The following MCC variants were observed in gnomAD, a reference collection of about 807,000 sequenced individuals.
The protein encoded by MCC is MCC regulator of Wnt signaling pathway.
In MCC, 90 loss-of-function variants were observed where a neutral mutation model predicts 116.2. The ratio of observed to expected loss-of-function variants is 0.77; its 90% CI spans 0.65 to 0.92. MCC has a LOEUF of 0.92. Among genes scored for constraint, MCC ranks in the 40% least tolerant of loss-of-function variants. The pLI, the probability that MCC is intolerant of heterozygous loss-of-function variation, is 0.00. For missense variants in MCC, 1,516 were observed against 1,312.2 expected, an observed-to-expected ratio of 1.16 and a Z score of -2.40; for synonymous variants, 578 against 510.5, an observed-to-expected ratio of 1.13 and a Z score of -1.78.
chr5:113,169,301 AAAT>A (rs889510180), intron 3 of MCC, among the ~76,000 whole-genome samples: 12 of 152,092 alleles, frequency 7.9e-5, no homozygotes, highest in African/African-American at 2.9e-4. Context: ...GGAGAAAGGA[AAAT>A]AATAATAAGC....
chr5:113,073,890 C>A (rs960665893), intron 11 of MCC, among the ~76,000 whole-genome samples: 1 of 152,218 alleles, frequency 6.6e-6, no homozygotes, highest in Admixed American at 6.5e-5. Flanking sequence ...GAAGCTCAAA[C>A]TGGGTGGAGC....
chr5:113,455,969 T>C lies in MCC; in HGVS notation c.170+32276A>G, dbSNP rs1302366549. ...AAACTGACCAAGATCATACAGCTAA[T>C]AAACTAGAATTTAATGCCTTACTCC... On this transcript the variant is annotated intron_variant, in intron 1 of 18. Coordinates refer to ENST00000408903, the MANE Select transcript of MCC (RefSeq NM_001085377.2). Among the ~76,000 whole-genome samples the C allele has an allele frequency of 3.3e-5, 5 of 152,308 alleles. 1 individual carries two copies. In the Middle Eastern group the frequency reaches 0.014, roughly 414 times the overall value.
intron 3 of MCC, among the ~76,000 whole-genome samples, chr5:113,327,789 C>T (rs1767606280): frequency 6.6e-6 from 1 of 150,470 alleles, no homozygotes; most frequent in South Asian, 2.1e-4. Context: ...GGTGCAAAAG[C>T]AATCGTAGTT....
At chr5:113,257,458 A>C (rs1050222768) in intron 3 of MCC, among the ~76,000 whole-genome samples, 1 of 152,148 alleles carries the variant, frequency 6.6e-6, no homozygotes, top group African/African-American at 2.4e-5. Context: ...CAAGGTGAAG[A>C]AGAGGGAGCA....
chr5:113,099,518 G>A (rs1257103231), intron 8 of MCC, among the ~76,000 whole-genome samples: 1 of 152,248 alleles, frequency 6.6e-6, no homozygotes, highest in African/African-American at 2.4e-5. Context: ...CTACGTGCCA[G>A]ACATCGCCTA....
Position 113,053,851 on chromosome 5 carries a change from C to T in MCC, c.2322G>A (p.Lys774=), listed in dbSNP as rs367961469. 5 of 1,614,040 alleles carry T rather than the reference C, an allele frequency of 3.1e-6. No individual in the cohort carries two copies. The African/African-American group carries it at 5.3e-5, about 17-fold the overall frequency. The change falls in exon 15 of 19, where the codon AAG becomes AAA. Residue 774 remains lysine, a synonymous_variant. Transcript: ENST00000408903. Reference sequence around the variant, plus strand: ...TGCTTTCCAGCTCCAGCATGGTCAGCTTGACCGCAGCCCTGTCATTCTTGA... The same window carrying T: ...TGCTTTCCAGCTCCAGCATGGTCAGTTTGACCGCAGCCCTGTCATTCTTGA... ...QQLKNDRAAV[K]LTMLELESIH... is the part of the protein sequence containing the mutation.
At position 113,079,695 on chromosome 5, in the gene MCC, CG is replaced by C. The variant is rs796911693; in HGVS notation, c.1784+3164del. On this transcript the variant is annotated intron_variant, in intron 11 of 18. Transcript: ENST00000408903. ...AAGATTTAAATGTTAGACCTAAAAC[CG>C]TAAAACCTCTAGAAGAAAACCTAGG... Among the ~76,000 whole-genome samples, 86 of 152,250 alleles carry C rather than the reference CG, an allele frequency of 5.6e-4. 1 individual carries two copies. In the South Asian group the frequency reaches 0.014, roughly 25 times the overall value.
chr5:113,385,249 A>G (rs781510228), intron 1 of MCC, 37 bp from the exon 2 acceptor site: 2 of 1,595,974 alleles, frequency 1.3e-6, no homozygotes, highest in South Asian at 1.1e-5. Context: ...ATGTGTTATG[A>G]GTGACATTTA....
chr5:113,135,849 T>C (rs1422048466), intron 5 of MCC, among the ~76,000 whole-genome samples: 1 of 151,880 alleles, frequency 6.6e-6, no homozygotes, highest in Non-Finnish European at 1.5e-5. Context: ...TTCGAGAACA[T>C]CCTGGCCAAT....
chr5:113,035,742 C>A (rs1751285188), intron 17 of MCC, among the ~76,000 whole-genome samples: 1 of 152,158 alleles, frequency 6.6e-6, no homozygotes, highest in Non-Finnish European at 1.5e-5. Context: ...ACTCATGTCC[C>A]AGAGCTAAGA....
intron 1 of MCC, among the ~76,000 whole-genome samples, chr5:113,399,384 C>A (rs1385093013): frequency 6.6e-6 from 1 of 152,070 alleles, no homozygotes. Flanking sequence ...ACTTGGGAGG[C>A]TGAGGCAGAA....
At chr5:113,408,886 C>T (rs1344544892) in intron 1 of MCC, among the ~76,000 whole-genome samples, 7 of 152,136 alleles carry the variant, frequency 4.6e-5, no homozygotes, top group Non-Finnish European at 1.0e-4. Flanking sequence ...CTGTCCCTAC[C>T]ATGTTTGTCT....
chr5:113,208,394 A>T (rs544282054), intron 3 of MCC, among the ~76,000 whole-genome samples: 2 of 152,106 alleles, frequency 1.3e-5, no homozygotes, highest in Non-Finnish European at 2.9e-5. Context: ...GAAGAAAACC[A>T]CCACCCTTCA....
intron 17 of MCC, among the ~76,000 whole-genome samples, chr5:113,038,895 G>A (rs543751765): frequency 2.3e-4 from 35 of 152,328 alleles, no homozygotes; most frequent in South Asian, 1.2e-3. Flanking sequence ...TTGCCTTAAC[G>A]TGGCATTTTA....
chr5:113,027,301 A>C lies in MCC; in HGVS notation c.*1T>G. The C allele has an allele frequency of 6.2e-7, 1 of 1,614,022 alleles. No homozygotes were observed. Among genetic ancestry groups the C allele is most frequent in the Non-Finnish European group, 8.5e-7 (1 of 1,179,950 alleles). ...GCAGAACTCCGGTGCGTGAGTGCTGATTAAAGCGAAGTTTCATTGGTGTGT... is the reference window on the plus strand; with the variant it reads ...GCAGAACTCCGGTGCGTGAGTGCTGCTTAAAGCGAAGTTTCATTGGTGTGT... On this transcript the variant is annotated 3_prime_UTR_variant, in exon 19 of 19. Transcript: ENST00000408903.
chr5:113,107,220 T>TA (rs56985364), intron 6 of MCC, among the ~76,000 whole-genome samples: 2 of 146,846 alleles, frequency 1.4e-5, no homozygotes, highest in African/African-American at 5.2e-5. Flanking sequence ...TTTTTTTTTT[T>TA]CTTTTTTTTT....
chr5:113,471,617 G>C (rs1772093345), intron 1 of MCC, among the ~76,000 whole-genome samples: 1 of 152,136 alleles, frequency 6.6e-6, no homozygotes, highest in South Asian at 2.1e-4. Context: ...TCGGGGGTCA[G>C]GGACCCACTT....
At chr5:113,256,257 C>A (rs904578244) in intron 3 of MCC, among the ~76,000 whole-genome samples, 1 of 152,108 alleles carries the variant, frequency 6.6e-6, no homozygotes, top group Non-Finnish European at 1.5e-5. Flanking sequence ...TGAATTGAAG[C>A]CTATCCTCAT....
intron 1 of MCC, chr5:113,433,667 A>G (rs1046362364): frequency 1.3e-6 from 2 of 1,523,324 alleles, no homozygotes; most frequent in East Asian, 2.3e-5. Context: ...CTCTGGCTCC[A>G]CCCTTGACTT....
Sources: allele counts gnomAD v4.1 joint callset (sites outside exome capture counted in the v4.1 genomes callset), GRCh38; gene constraint gnomAD v4.1.1; transcripts MANE v1.5; gene names NCBI Gene and HGNC (gene_info 2026-07-23, HGNC 2026-07-21).